Variants in POC5 observed in about 807,000 individuals in gnomAD.
POC5 encodes the protein centrosomal protein POC5.
Under a neutral mutation model 62.9 loss-of-function variants are expected in POC5, and 48 were observed. That is an observed-to-expected ratio of 0.76 (90% CI 0.61 to 0.97). POC5 has a LOEUF of 0.97. Ranked by LOEUF, POC5 falls within the 50% of genes least tolerant of loss-of-function variation. The probability of loss-of-function intolerance (pLI) is 0.00; values close to 1 mark genes in which losing one functional copy is unlikely to be tolerated. For synonymous variants in POC5, 236 were observed against 228.2 expected, an observed-to-expected ratio of 1.03 and a Z score of -0.31; for missense variants, 696 against 679.5, an observed-to-expected ratio of 1.02 and a Z score of -0.27.
At chr5:75,713,373 C>T (rs1777427738) in intron 1 of POC5, among the ~76,000 whole-genome samples, 1 of 152,190 alleles carries the variant, frequency 6.6e-6, no homozygotes, top group African/African-American at 2.4e-5. Flanking sequence ...TACAGAACAA[C>T]AGAATCAAAT....
intron 9 of POC5, 110 bp from the exon 10 acceptor site, chr5:75,685,594 G>A (rs1437072911): frequency 9.4e-7 from 1 of 1,061,322 alleles, no homozygotes; most frequent in Non-Finnish European, 1.4e-6. Flanking sequence ...CAAAAATTTA[G>A]ATGTTTACAG....
chr5:75,690,758 A>G (rs564884413), intron 7 of POC5, among the ~76,000 whole-genome samples, 196 bp from the exon 8 acceptor site: 1 of 152,370 alleles, frequency 6.6e-6, no homozygotes, highest in South Asian at 2.1e-4. Flanking sequence ...TAAGTAGATG[A>G]GTAAAGCCAG....
chr5:75,707,579 T>G, intron 3 of POC5, 158 bp downstream of exon 3: 1 of 538,232 alleles, frequency 1.9e-6, no homozygotes, highest in Non-Finnish European at 3.3e-6. Context: ...TCAGGAATAA[T>G]ATATTAAAAT....
chr5:75,715,291 C>T (rs1777507427), intron 1 of POC5, among the ~76,000 whole-genome samples: 1 of 119,774 alleles, frequency 8.3e-6, no homozygotes, highest in Non-Finnish European at 1.6e-5. Flanking sequence ...GCCTGGGCGA[C>T]AGAGTGAGAC....
chr5:75,690,509 T>A lies in POC5; in HGVS notation c.849A>T (p.Lys283Asn). Residue 283 changes from lysine (K) to asparagine (N), a missense_variant, in exon 8 of 12, where the codon AAA becomes AAT. Lys to Asn is a moderately conservative substitution (Grantham distance 94, BLOSUM62 0). Coordinates refer to ENST00000428202, the MANE Select transcript of POC5 (RefSeq NM_001099271.2). ...DQYYQRTLLK[K>N]VWKVWRSVVQ... is the part of the protein sequence containing the mutation. ...CTACGGAACGCCAGACTTTCCAGAC[T>A]TTCTTCAGTAAAGTTCTCTGGTAGT... is the stretch of plus-strand genomic sequence containing the variant. The A allele has an allele frequency of 6.2e-7, 1 of 1,604,398 alleles. No homozygotes were observed. The highest frequency in any genetic ancestry group is 8.5e-7 in the Non-Finnish European group (1 of 1,174,546).
At chr5:75,697,619 C>T (rs1211839699) in intron 5 of POC5, among the ~76,000 whole-genome samples, 1 of 151,964 alleles carries the variant, frequency 6.6e-6, no homozygotes, top group Non-Finnish European at 1.5e-5. Context: ...ATGTAAAGAC[C>T]ATCGAGACTA....
intron 10 of POC5, among the ~76,000 whole-genome samples, chr5:75,684,937 G>A (rs1232244795): frequency 2.0e-5 from 3 of 149,592 alleles, no homozygotes; most frequent in African/African-American, 4.9e-5. Flanking sequence ...GCGCGATCTC[G>A]GCTCACTGCA....
chr5:75,676,598 TAGAA>T (rs1194498917), intron 11 of POC5, among the ~76,000 whole-genome samples: 1 of 152,088 alleles, frequency 6.6e-6, no homozygotes, highest in African/African-American at 2.4e-5. Flanking sequence ...TGCTAATACT[TAGAA>T]AGTACACAGG....
At chr5:75,684,147 T>C (rs1424183327) in intron 10 of POC5, among the ~76,000 whole-genome samples, 3 of 152,150 alleles carry the variant, frequency 2.0e-5, no homozygotes, top group Admixed American at 6.5e-5. Context: ...CCATTCCAAT[T>C]ACAAATTACA....
At chr5:75,703,235 A>G (rs1776965616) in intron 4 of POC5, among the ~76,000 whole-genome samples, 1 of 152,248 alleles carries the variant, frequency 6.6e-6, no homozygotes, top group African/African-American at 2.4e-5. Context: ...CTGATGAGAA[A>G]CTGAGGTTCA....
chr5:75,684,689 A>G (rs1053705333), intron 10 of POC5, among the ~76,000 whole-genome samples: 3 of 151,998 alleles, frequency 2.0e-5, no homozygotes, highest in African/African-American at 7.3e-5. Context: ...AAAATATAAA[A>G]AAGTTCTTTG....
intron 3 of POC5, 36 bp from the exon 4 acceptor site, chr5:75,705,823 C>G: frequency 7.7e-7 from 1 of 1,301,532 alleles, no homozygotes; most frequent in Non-Finnish European, 1.1e-6. Context: ...TTAAACTGAA[C>G]CACTCTTAAA....
chr5:75,681,024 T>C (rs1020509006), intron 10 of POC5, among the ~76,000 whole-genome samples: 14 of 152,066 alleles, frequency 9.2e-5, no homozygotes, highest in African/African-American at 3.4e-4. Flanking sequence ...AAAAATGCTA[T>C]AAAAATAAAA....
At chr5:75,676,129 A>AAT (rs1775639239) in intron 11 of POC5, among the ~76,000 whole-genome samples, 1 of 152,234 alleles carries the variant, frequency 6.6e-6, no homozygotes, top group Non-Finnish European at 1.5e-5. Context: ...TTTCTTCTGT[A>AAT]AAATATGAAT....
At chr5:75,687,031 AAAAC>A (rs1460339901) in intron 9 of POC5, among the ~76,000 whole-genome samples, 6 of 144,684 alleles carry the variant, frequency 4.1e-5, no homozygotes, top group African/African-American at 1.6e-4. Flanking sequence ...TGCATTATAA[AAAAC>A]AATTTTTTTT....
At chr5:75,685,677 A>G (rs1776073683) in intron 9 of POC5, among the ~76,000 whole-genome samples, 193 bp from the exon 10 acceptor site, 1 of 152,224 alleles carries the variant, frequency 6.6e-6, no homozygotes, top group African/African-American at 2.4e-5. Context: ...AACCACTAAA[A>G]ACTTCAGACT....
chr5:75,697,330 G>A (rs1217202549), intron 5 of POC5, among the ~76,000 whole-genome samples: 2 of 152,122 alleles, frequency 1.3e-5, no homozygotes, highest in Non-Finnish European at 2.9e-5. Context: ...CCCTCAAAGG[G>A]AAGCCCATCA....
Position 75,689,075 on chromosome 5 carries a change from T to G in POC5, c.1066A>C (p.Met356Leu). 6.2e-7 allele frequency: 1 copy of G among 1,605,546 alleles called. No homozygotes were observed. The highest frequency in any genetic ancestry group is 8.5e-7 in the Non-Finnish European group (1 of 1,175,856). ...AGATTTAATGCACATACACCCCTCA[T>G]GAAAGCTTTTTTCATGGAATCTTCA... ...HFEDSMKKAF[M>L]RGVCALNLEA... Residue 356 changes from methionine (M) to leucine (L), a missense_variant, in exon 9 of 12, where the codon ATG becomes CTG. Met to Leu is a conservative substitution (Grantham distance 15, BLOSUM62 2). Transcript: ENST00000428202.
At chr5:75,712,324 G>T in intron 2 of POC5, 1 of 1,484,504 alleles carries the variant, frequency 6.7e-7, no homozygotes, top group South Asian at 1.1e-5. Flanking sequence ...TTAGAAATAA[G>T]AGAAATTTAA....
Sources: gnomAD v4.1 joint callset for allele counts (sites outside exome capture counted in the v4.1 genomes callset) on GRCh38, gnomAD v4.1.1 for gene constraint, MANE v1.5 for transcripts, NCBI Gene and HGNC (gene_info 2026-07-23, HGNC 2026-07-21) for gene names.